Variants in MARCHF7 observed in about 807,000 individuals in gnomAD.
The protein encoded by MARCHF7 is membrane associated ring-CH-type finger 7.
In MARCHF7, 20 loss-of-function variants were observed where a neutral mutation model predicts 76.5. That is an observed-to-expected ratio of 0.26 (90% CI 0.18 to 0.38). The LOEUF is 0.38. MARCHF7 is among the 10% of genes least tolerant of loss of function. The pLI is 1.00. For missense variants in MARCHF7, 797 were observed against 812.9 expected (o/e 0.98, Z 0.24); for synonymous variants, 295 against 293.0 (o/e 1.01, Z -0.07).
chr2:159,734,016 C>A lies in MARCHF7; in HGVS notation c.153+4841C>A, dbSNP rs1030946598. Reference sequence around the variant, plus strand: ...TAATCTTGCTGTTACTTCTGCTATCCCATCTTTAAATTTTTATCACAATTT... The same window carrying A: ...TAATCTTGCTGTTACTTCTGCTATCACATCTTTAAATTTTTATCACAATTT... On this transcript the variant is annotated intron_variant, in intron 4 of 11. Coordinates refer to ENST00000409175, the MANE Select transcript of MARCHF7 (RefSeq NM_001282805.2). 5 of 1,350,540 alleles carry A rather than the reference C, an allele frequency of 3.7e-6. No individual in the cohort carries two copies. The African/African-American group carries it at 7.3e-5, about 20-fold the overall frequency. 83.7% of individuals were successfully genotyped at this position (1,350,540 alleles called of 1,614,324 possible).
intron 3 of MARCHF7, among the ~76,000 whole-genome samples, chr2:159,721,736 G>T (rs990073270): frequency 6.6e-6 from 1 of 152,178 alleles, no homozygotes; most frequent in African/African-American, 2.4e-5. Flanking sequence ...TGAGGAACAT[G>T]AGGATAAAAT....
At position 159,747,938 on chromosome 2, in the gene MARCHF7, G is replaced by A. The variant is rs1705104043; in HGVS notation, c.648G>A (p.Arg216=). ...PSEHQTILSS[R]DSRNSLRSNF... is the part of the protein sequence containing the mutation. ...AACATCAGACCATACTAAGTTCTAG[G>A]GACTCCAGAAATTCTTTAAGATCAA... The change falls in exon 7 of 12, where the codon AGG becomes AGA. Residue 216 remains arginine, a synonymous_variant. Coordinates refer to ENST00000409175, the MANE Select transcript of MARCHF7 (RefSeq NM_001282805.2). 4 of 1,613,962 alleles carry A rather than the reference G, an allele frequency of 2.5e-6. No homozygotes were observed. Among genetic ancestry groups the A allele is most frequent in the Non-Finnish European group, 3.4e-6 (4 of 1,180,008 alleles).
intron 7 of MARCHF7, among the ~76,000 whole-genome samples, chr2:159,749,932 A>G (rs1435780310): frequency 2.0e-5 from 3 of 152,242 alleles, no homozygotes; most frequent in Non-Finnish European, 2.9e-5. Flanking sequence ...AAGATGATTT[A>G]TTAACCATTT....
At chr2:159,741,300 G>A (rs1045640974) in intron 4 of MARCHF7, among the ~76,000 whole-genome samples, 2 of 152,110 alleles carry the variant, frequency 1.3e-5, no homozygotes, top group African/African-American at 2.4e-5. Context: ...GCAGTGAGCT[G>A]TGATTGTGCC....
intron 9 of MARCHF7, among the ~76,000 whole-genome samples, chr2:159,761,942 A>G (rs1707161709): frequency 6.6e-6 from 1 of 152,190 alleles, no homozygotes; most frequent in Non-Finnish European, 1.5e-5. Flanking sequence ...AATCTGAGGA[A>G]TATGAGCCCC....
chr2:159,734,157 T>C, intron 4 of MARCHF7: 1 of 1,075,946 alleles, frequency 9.3e-7, no homozygotes, highest in Non-Finnish European at 1.2e-6. Context: ...TATTTGTGGA[T>C]ATGTAATTTT....
chr2:159,759,166 A>G lies in MARCHF7; in HGVS notation c.1784-60A>G, dbSNP rs1706696152. On this transcript the variant is annotated intron_variant, in intron 8 of 11. Transcript: ENST00000409175. ...ATTTTAAGCTTAAAACTTAACGAGG[A>G]AAAGTGTTTTATGAAGACATTATAA... is the stretch of plus-strand genomic sequence containing the variant. 4.5e-6 allele frequency: 4 copies of G among 882,222 alleles called. No homozygotes were observed. The South Asian group carries it at 6.1e-5, about 13-fold the overall frequency. 54.6% of individuals were successfully genotyped at this position (882,222 alleles called of 1,614,324 possible).
intron 5 of MARCHF7, among the ~76,000 whole-genome samples, chr2:159,744,807 A>G (rs1324656015): frequency 6.6e-6 from 1 of 152,252 alleles, no homozygotes; most frequent in Non-Finnish European, 1.5e-5. Context: ...ATTTCTCTTA[A>G]TAAAGAGGAA....
intron 3 of MARCHF7, among the ~76,000 whole-genome samples, chr2:159,725,594 G>A (rs569208689): frequency 5.9e-5 from 9 of 152,094 alleles, no homozygotes; most frequent in African/African-American, 2.2e-4. Context: ...TTGTCAGATG[G>A]GTAGATTGCA....
intron 4 of MARCHF7, among the ~76,000 whole-genome samples, chr2:159,732,121 AAAAAC>A (rs1264535064): frequency 1.3e-5 from 2 of 152,258 alleles, no homozygotes; most frequent in African/African-American, 4.8e-5. Context: ...ACAAAAAACA[AAAAAC>A]AAAAAAAAAT....
intron 5 of MARCHF7, among the ~76,000 whole-genome samples, 187 bp downstream of exon 5, chr2:159,743,440 T>C (rs193156941): frequency 1.2e-4 from 18 of 152,314 alleles, no homozygotes; most frequent in Admixed American, 1.2e-3. Context: ...TCTTGTAAAA[T>C]TGATATAGAT....
At chr2:159,718,247 G>C (rs937937079) in intron 3 of MARCHF7, among the ~76,000 whole-genome samples, 1 of 152,160 alleles carries the variant, frequency 6.6e-6, no homozygotes, top group Non-Finnish European at 1.5e-5. Context: ...AATAGAAATT[G>C]GCTGATGTGC....
At chr2:159,719,347 A>G (rs540175594) in intron 3 of MARCHF7, among the ~76,000 whole-genome samples, 3 of 152,180 alleles carry the variant, frequency 2.0e-5, no homozygotes, top group Admixed American at 6.5e-5. Context: ...CTCATTTTTC[A>G]AAACCAACTA....
intron 4 of MARCHF7, among the ~76,000 whole-genome samples, chr2:159,730,274 A>C (rs755283540): frequency 3.3e-5 from 5 of 152,206 alleles, no homozygotes; most frequent in Admixed American, 2.0e-4. Flanking sequence ...TGAATGTTAT[A>C]ATTAATGTTT....
chr2:159,761,502 CCT>C (rs1302254807), intron 9 of MARCHF7, among the ~76,000 whole-genome samples: 1 of 146,884 alleles, frequency 6.8e-6, no homozygotes, highest in Non-Finnish European at 1.5e-5. Flanking sequence ...GCAACCTCCA[CCT>C]CCCGGGTTCA....
rs1459722103 is a variant in MARCHF7, at chr2:159,714,598, G to C, written c.-101G>C. On this transcript the variant is annotated splice_region_variant and 5_prime_UTR_variant, in exon 2 of 12. The change abolishes an upstream ATG in the 5' untranslated region. Transcript: ENST00000409175. ...CCTGTAGCTGAAACATACATTGAATGGTAAGTTAGAGCCCGACATAAAAGA... is the reference window on the plus strand; with the variant it reads ...CCTGTAGCTGAAACATACATTGAATCGTAAGTTAGAGCCCGACATAAAAGA... The C allele has an allele frequency of 2.0e-5, 3 of 152,146 alleles. No homozygotes were observed. Among genetic ancestry groups the C allele is most frequent in the East Asian group, 3.8e-4 (2 of 5,200 alleles). The allele number at this position is 152,146 out of a possible 1,614,324, so 9.4% of individuals were successfully genotyped here. A position where few individuals can be genotyped will look rare whatever the true frequency, so the allele number is the denominator to read the frequency against.
chr2:159,764,196 T>C (rs1431164214), intron 10 of MARCHF7, among the ~76,000 whole-genome samples: 1 of 146,966 alleles, frequency 6.8e-6, no homozygotes, highest in African/African-American at 2.5e-5. Context: ...TAGGAAAATA[T>C]TGGTTCTTGG....
Position 159,721,256 on chromosome 2 carries a change from G to A in MARCHF7, c.-15+5490G>A, listed in dbSNP as rs554216797. 8.5e-4 allele frequency among the ~76,000 whole-genome samples: 130 copies of A among 152,224 alleles called. 1 individual carries two copies. The South Asian group carries it at 1.0e-2, about 12-fold the overall frequency. On this transcript the variant is annotated intron_variant, in intron 3 of 11. Coordinates refer to ENST00000409175, the MANE Select transcript of MARCHF7 (RefSeq NM_001282805.2). Reference sequence around the variant, plus strand: ...TGTTAAGATTCCTTACCTTGTTTATGTCCTGGATATCTTCAGAGTTTCTTA... The same window carrying A: ...TGTTAAGATTCCTTACCTTGTTTATATCCTGGATATCTTCAGAGTTTCTTA...
chr2:159,734,475 CAAG>C (rs1703214166), intron 4 of MARCHF7, among the ~76,000 whole-genome samples: 1 of 151,876 alleles, frequency 6.6e-6, no homozygotes, highest in East Asian at 1.9e-4. Context: ...TACAATTAAA[CAAG>C]AAAATGAAAA....
Sources: gnomAD v4.1 joint callset for allele counts (sites outside exome capture counted in the v4.1 genomes callset) on GRCh38, gnomAD v4.1.1 for gene constraint, MANE v1.5 for transcripts, NCBI Gene and HGNC (gene_info 2026-07-23, HGNC 2026-07-21) for gene names.